THSD7B: variants seen among roughly 807,000 people sequenced by gnomAD.
The protein encoded by THSD7B is thrombospondin type-1 domain-containing protein 7B.
A neutral mutation model predicts 213.6 loss-of-function variants in THSD7B; 138 were observed. The observed-to-expected ratio is 0.65, with a 90% CI of 0.56 to 0.74. The LOEUF (loss-of-function observed/expected upper bound fraction) is 0.74. THSD7B is among the 30% of genes least tolerant of loss of function. The pLI, the probability that THSD7B is intolerant of heterozygous loss-of-function variation, is 0.00. For synonymous variants in THSD7B, 742 were observed against 687.0 expected, an observed-to-expected ratio of 1.08 and a Z score of -1.25; for missense variants, 1,931 against 1,991.5, an observed-to-expected ratio of 0.97 and a Z score of 0.58.
rs549617638 is a variant in THSD7B at position 136,787,544 on chromosome 2, G to A, written c.-36+21857G>A. ...GTGCCTACAATGTAAGTTTACAAAAGGAACCAACTTCCCTGGTCTTTTTGT... is the reference window on the plus strand; with the variant it reads ...GTGCCTACAATGTAAGTTTACAAAAAGAACCAACTTCCCTGGTCTTTTTGT... On this transcript the variant is annotated intron_variant, in intron 1 of 27. Transcript: ENST00000409968. Among the ~76,000 whole-genome samples the A allele has an allele frequency of 2.3e-3, 357 of 152,110 alleles. 3 individuals carry two copies. The highest frequency in any genetic ancestry group is 6.9e-3 in the African/African-American group (288 of 41,504).
At chr2:137,229,161 C>T (rs921496971) in intron 7 of THSD7B, among the ~76,000 whole-genome samples, 3 of 152,210 alleles carry the variant, frequency 2.0e-5, no homozygotes, top group Non-Finnish European at 4.4e-5. Context: ...TTTCCCCTTA[C>T]TTTTATTCAT....
intron 12 of THSD7B, among the ~76,000 whole-genome samples, chr2:137,395,016 T>A (rs1460450491): frequency 3.5e-5 from 5 of 143,768 alleles, no homozygotes; most frequent in Admixed American, 1.4e-4. Context: ...TGATTTTGTA[T>A]CCTGAGACTT....
At chr2:137,477,467 T>C (rs1688217569) in intron 15 of THSD7B, among the ~76,000 whole-genome samples, 1 of 152,068 alleles carries the variant, frequency 6.6e-6, no homozygotes, top group South Asian at 2.1e-4. Context: ...AGCCAGCTTA[T>C]GTCTTTTAAG....
At chr2:137,088,608 T>A (rs202219158) in intron 3 of THSD7B, among the ~76,000 whole-genome samples, 108 of 140,968 alleles carry the variant, frequency 7.7e-4, no homozygotes, top group South Asian at 9.0e-4. Flanking sequence ...GCAAATGCAA[T>A]AAAAAAAAAA....
At chr2:137,031,540 C>T (rs991928199) in intron 2 of THSD7B, among the ~76,000 whole-genome samples, 4 of 152,010 alleles carry the variant, frequency 2.6e-5, no homozygotes, top group South Asian at 2.1e-4. Context: ...TTTTGTTCAT[C>T]GGTACATATC....
chr2:137,393,294 A>G (rs1226597339), intron 12 of THSD7B, among the ~76,000 whole-genome samples: 9 of 151,696 alleles, frequency 5.9e-5, no homozygotes, highest in Admixed American at 2.6e-4. Flanking sequence ...ATATCTCCCA[A>G]TGCTATCCCT....
intron 5 of THSD7B, among the ~76,000 whole-genome samples, chr2:137,148,157 T>A (rs1044419557): frequency 8.5e-5 from 13 of 152,128 alleles, no homozygotes; most frequent in Non-Finnish European, 1.6e-4. Context: ...TATCATGAGA[T>A]CTGAAGGTTT....
intron 7 of THSD7B, among the ~76,000 whole-genome samples, chr2:137,192,876 G>T (rs1680687106): frequency 6.6e-6 from 1 of 152,138 alleles, no homozygotes; most frequent in Admixed American, 6.5e-5. Flanking sequence ...TGCTGAGTGG[G>T]GTTTTTAAAT....
intron 12 of THSD7B, among the ~76,000 whole-genome samples, chr2:137,383,323 AT>A (rs111954065): frequency 0.031 from 4,795 of 152,250 alleles, 274 homozygotes; most frequent in African/African-American, 0.11. Flanking sequence ...ACCTGGAGTT[AT>A]TTGCTCCCTG....
At chr2:137,249,788 G>A (rs936800025) in intron 10 of THSD7B, among the ~76,000 whole-genome samples, 2 of 152,204 alleles carry the variant, frequency 1.3e-5, no homozygotes, top group African/African-American at 4.8e-5. Context: ...ACGACAACGA[G>A]CTACTTGCTA....
At chr2:136,819,388 T>C (rs2104936763) in intron 1 of THSD7B, among the ~76,000 whole-genome samples, 1 of 152,270 alleles carries the variant, frequency 6.6e-6, no homozygotes, top group Non-Finnish European at 1.5e-5. Flanking sequence ...GGGTTGGGAT[T>C]GGGTTTGTCC....
chr2:136,948,968 T>TA (rs963274861), intron 2 of THSD7B, among the ~76,000 whole-genome samples: 3 of 152,106 alleles, frequency 2.0e-5, no homozygotes, highest in African/African-American at 4.8e-5. Context: ...ATTGGTTTTT[T>TA]AAAAAAAATT....
At chr2:136,830,194 A>C (rs1031710992) in intron 1 of THSD7B, among the ~76,000 whole-genome samples, 2 of 152,198 alleles carry the variant, frequency 1.3e-5, no homozygotes, top group Non-Finnish European at 2.9e-5. Context: ...ATACTGTGAC[A>C]TATGGTACCT....
chr2:136,917,183 C>G (rs569396687), intron 2 of THSD7B, among the ~76,000 whole-genome samples: 2 of 152,276 alleles, frequency 1.3e-5, no homozygotes, highest in East Asian at 1.9e-4. Flanking sequence ...AAGTTATCCT[C>G]CCCGCATCCC....
chr2:137,347,674 AT>A (rs1277772105), intron 12 of THSD7B, among the ~76,000 whole-genome samples: 1 of 150,178 alleles, frequency 6.7e-6, no homozygotes, highest in Non-Finnish European at 1.5e-5. Flanking sequence ...ATTTGGGCGG[AT>A]CTCGTTATCA....
At chr2:137,043,851 A>G (rs1318716065) in intron 2 of THSD7B, among the ~76,000 whole-genome samples, 1 of 152,184 alleles carries the variant, frequency 6.6e-6, no homozygotes, top group African/African-American at 2.4e-5. Flanking sequence ...GTCTTCCACC[A>G]TCTTCTCTTA....
intron 1 of THSD7B, among the ~76,000 whole-genome samples, chr2:136,789,320 TA>T (rs1428508241): frequency 6.6e-6 from 1 of 152,086 alleles, no homozygotes; most frequent in Non-Finnish European, 1.5e-5. Context: ...TACTTAGTTT[TA>T]TTTTTTTATT....
At chr2:137,441,197 A>G (rs1439008243) in intron 14 of THSD7B, among the ~76,000 whole-genome samples, 1 of 152,108 alleles carries the variant, frequency 6.6e-6, no homozygotes, top group Non-Finnish European at 1.5e-5. Flanking sequence ...TTGCCACTTC[A>G]GAATTTTCAA....
chr2:137,317,498 A>G (rs906869688), intron 12 of THSD7B, among the ~76,000 whole-genome samples: 1 of 152,234 alleles, frequency 6.6e-6, no homozygotes. Context: ...AGAGCATTCT[A>G]ATCAAATTAT....
Sources: gnomAD v4.1 joint callset for allele counts (sites outside exome capture counted in the v4.1 genomes callset) on GRCh38, gnomAD v4.1.1 for gene constraint, MANE v1.5 for transcripts, NCBI Gene and HGNC (gene_info 2026-07-23, HGNC 2026-07-21) for gene names.